WDR43: variants seen among roughly 807,000 people sequenced by gnomAD.
WDR43 encodes WD repeat-containing protein 43.
Under a neutral mutation model 91.4 loss-of-function variants are expected in WDR43, and 13 were observed. That is an observed-to-expected ratio of 0.14 (90% CI 0.09 to 0.23). The LOEUF is 0.23. Among genes scored for constraint, WDR43 ranks in the 10% least tolerant of loss-of-function variants. The probability of loss-of-function intolerance (pLI) is 1.00; values close to 1 mark genes in which losing one functional copy is unlikely to be tolerated. For missense variants in WDR43, 780 were observed against 809.4 expected (o/e 0.96, Z 0.44); for synonymous variants, 331 against 287.9 (o/e 1.15, Z -1.51).
chr2:28,906,753 G>A (rs913208619), intron 3 of WDR43, among the ~76,000 whole-genome samples, 172 bp downstream of exon 3: 1 of 152,096 alleles, frequency 6.6e-6, no homozygotes, highest in Non-Finnish European at 1.5e-5. Flanking sequence ...ATACATAAAA[G>A]CTAAAAATGG....
chr2:28,912,748 A>G (rs779710766), intron 4 of WDR43, 38 bp downstream of exon 4: 5 of 1,607,286 alleles, frequency 3.1e-6, no homozygotes, highest in Middle Eastern at 3.3e-4. Flanking sequence ...TAAAAATTAT[A>G]GAGTAAACAC....
intron 16 of WDR43, among the ~76,000 whole-genome samples, chr2:28,945,792 C>G (rs1160201647): frequency 1.3e-5 from 2 of 152,204 alleles, no homozygotes; most frequent in Non-Finnish European, 2.9e-5. Context: ...TTTCCCCCAA[C>G]AATCATACAT....
chr2:28,914,448 G>T (rs1670869602), intron 5 of WDR43, among the ~76,000 whole-genome samples: 1 of 152,144 alleles, frequency 6.6e-6, no homozygotes, highest in South Asian at 2.1e-4. Flanking sequence ...CATTTCTGTG[G>T]TTGGGCAATT....
At chr2:28,922,026 C>T (rs12620770) in intron 6 of WDR43, among the ~76,000 whole-genome samples, 40,487 of 152,144 alleles carry the variant, frequency 0.27, 6,568 homozygotes, top group East Asian at 0.78. Flanking sequence ...TGACAACTGT[C>T]ATGTAGCACT....
At chr2:28,936,494 T>C (rs1273894265) in intron 12 of WDR43, among the ~76,000 whole-genome samples, 1 of 152,158 alleles carries the variant, frequency 6.6e-6, no homozygotes, top group East Asian at 1.9e-4. Context: ...CTAACCTTGA[T>C]TTTTTTCTTT....
chr2:28,913,572 A>G (rs1037386968), intron 4 of WDR43: 3 of 456,902 alleles, frequency 6.6e-6, no homozygotes, highest in Admixed American at 2.3e-5. Context: ...TACATCCAGC[A>G]TTTAGTCCAC....
chr2:28,910,654 A>G (rs999686936), intron 3 of WDR43, among the ~76,000 whole-genome samples: 1 of 142,762 alleles, frequency 7.0e-6, no homozygotes, highest in African/African-American at 2.5e-5. Context: ...ATATATATAC[A>G]GATAACGTGC....
intron 11 of WDR43, among the ~76,000 whole-genome samples, chr2:28,931,966 C>A (rs1446794182): frequency 6.7e-6 from 1 of 150,318 alleles, no homozygotes; most frequent in Non-Finnish European, 1.5e-5. Flanking sequence ...TGCATGAACT[C>A]CTGGGCTCAA....
intron 3 of WDR43, among the ~76,000 whole-genome samples, chr2:28,911,057 A>G (rs1006263852): frequency 3.5e-5 from 5 of 144,116 alleles, no homozygotes; most frequent in African/African-American, 1.2e-4. Context: ...TTATGTAATT[A>G]AATCAGGTCT....
Position 28,946,742 on chromosome 2 carries a change from C to T in WDR43, c.1997C>T (p.Ser666Phe), listed in dbSNP as rs771627677. 3.2e-6 allele frequency: 5 copies of T among 1,586,880 alleles called. No individual in the cohort carries two copies. The highest frequency in any genetic ancestry group is 4.3e-6 in the Non-Finnish European group (5 of 1,166,898). ...AGTGAAAAAGAATTAAATGGAGATT[C>T]TGATTTAGATCCTGAAAATGAAAGT... ...TASEKELNGD[S>F]DLDPENESEE... Residue 666 changes from serine (S) to phenylalanine (F), a missense_variant, in exon 18 of 18, where the codon TCT (serine) becomes TTT (phenylalanine). This residue lies in a region of WDR43 where 426 missense variants were observed against 467.8 expected (regional missense o/e 0.91). Coordinates refer to ENST00000407426, the MANE Select transcript of WDR43 (RefSeq NM_015131.3).
intron 1 of WDR43, among the ~76,000 whole-genome samples, chr2:28,900,954 C>T (rs1381992575): frequency 3.3e-5 from 5 of 152,168 alleles, no homozygotes. Context: ...CTTTTTAAGT[C>T]TACTCCCTGA....
chr2:28,898,878 C>A (rs1236778563), intron 1 of WDR43, among the ~76,000 whole-genome samples: 12 of 152,210 alleles, frequency 7.9e-5, no homozygotes, highest in African/African-American at 2.9e-4. Context: ...ATTCAGACTT[C>A]TCATCACCTG....
intron 6 of WDR43, among the ~76,000 whole-genome samples, chr2:28,921,187 G>A (rs971987417): frequency 6.6e-6 from 1 of 151,460 alleles, no homozygotes; most frequent in Admixed American, 6.6e-5. Flanking sequence ...GAGTGCAGTG[G>A]CACAATCTCA....
chr2:28,944,344 C>T (rs1368062866), intron 16 of WDR43, among the ~76,000 whole-genome samples: 1 of 152,078 alleles, frequency 6.6e-6, no homozygotes, highest in Non-Finnish European at 1.5e-5. Flanking sequence ...ATTAAATATT[C>T]TTAAATTTAA....
chr2:28,922,785 G>A (rs1671057676), intron 6 of WDR43, 134 bp from the exon 7 acceptor site: 1 of 610,820 alleles, frequency 1.6e-6, no homozygotes, highest in Non-Finnish European at 2.6e-6. Flanking sequence ...TTTTTAAATG[G>A]ATTCTTGCTG....
At chr2:28,898,748 A>G (rs1259114446) in intron 1 of WDR43, among the ~76,000 whole-genome samples, 3 of 152,114 alleles carry the variant, frequency 2.0e-5, no homozygotes, top group Non-Finnish European at 4.4e-5. Context: ...AGCCGTGGGA[A>G]GTTTCTCTGT....
rs756473971 is a variant in WDR43, at chr2:28,941,587, T to C, written c.1734+13T>C. 6 of 1,584,344 alleles carry C rather than the reference T, an allele frequency of 3.8e-6. No homozygotes were observed. The Admixed American group carries it at 8.7e-5, about 23-fold the overall frequency. ...TCTAATTACACAAGTGAGTAAATCA[T>C]ATTGTTCTGGGCTAAAACTTTTGGA... On this transcript the variant is annotated intron_variant, in intron 15 of 17. Transcript: ENST00000407426.
At chr2:28,927,472 A>G in intron 9 of WDR43, 97 bp from the exon 10 acceptor site, 1 of 1,399,074 alleles carries the variant, frequency 7.1e-7, no homozygotes, top group East Asian at 2.4e-5. Flanking sequence ...GCATTTTTCC[A>G]ATAGAGGAGC....
At chr2:28,924,893 T>A in intron 7 of WDR43, 89 bp from the exon 8 acceptor site, 2 of 1,460,436 alleles carry the variant, frequency 1.4e-6, no homozygotes, top group Non-Finnish European at 1.8e-6. Flanking sequence ...TAGAGGGGGG[T>A]CACATTTCGT....
Sources: gnomAD v4.1 joint callset for allele counts (sites outside exome capture counted in the v4.1 genomes callset) on GRCh38, gnomAD v4.1.1 for gene constraint, gnomAD v4.1.1 regional missense constraint, MANE v1.5 for transcripts, NCBI Gene and HGNC (gene_info 2026-07-23, HGNC 2026-07-21) for gene names.